MPP3: variants seen among roughly 807,000 people sequenced by gnomAD.
MPP3 encodes the protein MAGUK p55 subfamily member 3.
In MPP3, 48 loss-of-function variants were observed where a neutral mutation model predicts 80.7. That is an observed-to-expected ratio of 0.59 (90% CI 0.47 to 0.76). The LOEUF (loss-of-function observed/expected upper bound fraction) is 0.76. Ranked by LOEUF, MPP3 falls within the 30% of genes least tolerant of loss-of-function variation. The pLI, the probability that MPP3 is intolerant of heterozygous loss-of-function variation, is 0.00. For synonymous variants in MPP3, 311 were observed against 297.6 expected (o/e 1.04, Z -0.46); for missense variants, 620 against 763.0 (o/e 0.81, Z 2.21).
At chr17:43,829,585 C>A in intron 7 of MPP3, 69 bp downstream of exon 7, 2 of 1,573,298 alleles carry the variant, frequency 1.3e-6, no homozygotes, top group Non-Finnish European at 1.7e-6. Flanking sequence ...AGGATCTTGT[C>A]CAGTGTTCTG....
intron 3 of MPP3, 35 bp downstream of exon 3, chr17:43,831,847 G>C: frequency 6.3e-7 from 1 of 1,587,672 alleles, no homozygotes; most frequent in South Asian, 1.1e-5. Context: ...TTGTCTTCAG[G>C]ACTGTGGCAG....
intron 19 of MPP3, among the ~76,000 whole-genome samples, chr17:43,808,431 G>A (rs561220148): frequency 5.9e-5 from 9 of 152,218 alleles, no homozygotes; most frequent in Non-Finnish European, 1.0e-4. Context: ...TCGCCATCCT[G>A]ACATAGACTG....
At chr17:43,808,818 CA>C in intron 19 of MPP3, 137 bp downstream of exon 19, 1 of 1,033,032 alleles carries the variant, frequency 9.7e-7, no homozygotes, top group Non-Finnish European at 1.3e-6. Flanking sequence ...TTTCAATAGG[CA>C]AAATGGAAAG....
intron 19 of MPP3, among the ~76,000 whole-genome samples, chr17:43,807,243 G>A (rs1405421133): frequency 6.6e-6 from 1 of 151,992 alleles, no homozygotes; most frequent in Non-Finnish European, 1.5e-5. Context: ...AAAGTGCTGG[G>A]ATTATAGGCG....
At chr17:43,808,446 G>A (rs1018607435) in intron 19 of MPP3, among the ~76,000 whole-genome samples, 1 of 152,210 alleles carries the variant, frequency 6.6e-6, no homozygotes, top group African/African-American at 2.4e-5. Context: ...AGACTGGGCT[G>A]AACAAAGAAT....
At chr17:43,829,549 C>T (rs1413991121) in intron 7 of MPP3, 105 bp downstream of exon 7, 11 of 1,365,878 alleles carry the variant, frequency 8.1e-6, no homozygotes, top group East Asian at 2.4e-5. Context: ...GCAAAGCTGC[C>T]GTCACTCACT....
chr17:43,810,746 G>A (rs1368865297), intron 18 of MPP3, 61 bp downstream of exon 18: 5 of 1,161,390 alleles, frequency 4.3e-6, no homozygotes, highest in African/African-American at 3.1e-5. Context: ...TGTGTAAAAT[G>A]TACAATCCCC....
At position 43,831,956 on chromosome 17, in the gene MPP3, G is replaced by A. The variant is rs776093542; in HGVS notation, c.-37-13C>T. 4 of 1,559,880 alleles carry A rather than the reference G, an allele frequency of 2.6e-6. No individual in the cohort carries two copies. Among genetic ancestry groups the A allele is most frequent in the South Asian group, 1.1e-5 (1 of 88,706 alleles). On this transcript the variant is annotated splice_polypyrimidine_tract_variant and intron_variant, in intron 2 of 19. Transcript: ENST00000398389. ...CTCCCTGCAGATTCTGGGAGAAGGG[G>A]GTGGAGGTGGGTATTGAAGCTCCAT...
intron 19 of MPP3, among the ~76,000 whole-genome samples, chr17:43,806,665 G>A (rs1269409460): frequency 4.6e-5 from 7 of 151,874 alleles, no homozygotes; most frequent in Admixed American, 2.6e-4. Context: ...GCTATAGTGC[G>A]ATGGCGCAAT....
chr17:43,810,894 A>G lies in MPP3; in HGVS notation c.1371T>C (p.Tyr457=). ...HHNKFLEHGE[Y]KENLYGTSLE... The stretch of plus-strand genomic sequence containing the variant: ...GGCTGGTTCCATACAGATTTTCCTT[A>G]TATTCACCATGTTCCAGGAACCTAA... Residue 457 remains tyrosine (Y), a synonymous_variant, in exon 18 of 20, where the codon TAT becomes TAC. Transcript: ENST00000398389. 6.2e-7 allele frequency: 1 copy of G among 1,606,540 alleles called. No individual in the cohort carries two copies. Among genetic ancestry groups the G allele is most frequent in the Non-Finnish European group, 8.5e-7 (1 of 1,177,982 alleles).
intron 7 of MPP3, 119 bp downstream of exon 7, chr17:43,829,535 G>T: frequency 1.7e-6 from 2 of 1,192,088 alleles, no homozygotes; most frequent in Non-Finnish European, 2.3e-6. Context: ...GAGCAGCAGC[G>T]CAGGCAAAGC....
chr17:43,831,720 G>A (rs2045970336), intron 3 of MPP3, 43 bp from the exon 4 acceptor site: 2 of 1,535,490 alleles, frequency 1.3e-6, no homozygotes, highest in Non-Finnish European at 8.9e-7. Context: ...AACGCAGTGG[G>A]TGCTCCCTGC....
At chr17:43,830,735 ATCT>A (rs1319822979) in intron 5 of MPP3, among the ~76,000 whole-genome samples, 1 of 152,128 alleles carries the variant, frequency 6.6e-6, no homozygotes, top group Admixed American at 6.5e-5. Flanking sequence ...TCAGGAACTG[ATCT>A]TAGTAATCAA....
intron 18 of MPP3, among the ~76,000 whole-genome samples, chr17:43,810,330 G>A (rs1223434154): frequency 6.6e-6 from 1 of 152,078 alleles, no homozygotes; most frequent in Non-Finnish European, 1.5e-5. Context: ...GCACTTCCCA[G>A]GGCCGTGTCT....
Position 43,816,075 on chromosome 17 carries a change from G to A in MPP3, c.972C>T (p.Thr324=). The A allele has an allele frequency of 3.3e-6, 5 of 1,510,020 alleles. No individual in the cohort carries two copies. The highest frequency in any genetic ancestry group is 2.6e-5 in the South Asian group (2 of 77,244). The allele number at this position is 1,510,020 out of a possible 1,614,324, so 93.5% of individuals were successfully genotyped here. ...CTTTGAGGTAGCCCTCACAGTCACA[G>A]GTCTCTGGGAAGCAAACAGAGGGAG... ...PPYDQPCDKE[T]CDCEGYLKGH... Residue 324 remains threonine, a synonymous_variant, in exon 14 of 20, where the codon ACC becomes ACT. Coordinates refer to ENST00000398389, the MANE Select transcript of MPP3 (RefSeq NM_001932.6).
intron 19 of MPP3, among the ~76,000 whole-genome samples, chr17:43,802,349 AAGG>A (rs574884495): frequency 2.4e-4 from 37 of 152,350 alleles, no homozygotes; most frequent in Admixed American, 1.8e-3. Flanking sequence ...CTGGTGGAAG[AAGG>A]AGAAGAAATC....
At chr17:43,815,794 G>C (rs2045091542) in intron 14 of MPP3, 1 of 679,186 alleles carries the variant, frequency 1.5e-6, no homozygotes, top group Non-Finnish European at 2.7e-6. Context: ...ATGTAGGGGT[G>C]TGTGTGCCTT....
At position 43,814,349 on chromosome 17, in the gene MPP3, C is replaced by T; in HGVS notation, c.1022G>A (p.Arg341Lys). 6.2e-7 allele frequency: 1 copy of T among 1,602,406 alleles called. No individual in the cohort carries two copies. ...LKGHYVAGLR[R>K]SFRLGCRERL... ...CTCCCTACAGCCCAGCCGGAAGCTC[C>T]TCCGAAGACCAGCTTGGGAGGAGGG... The change falls in exon 15 of 20, where the codon AGG (arginine) becomes AAG (lysine). Residue 341 changes from arginine to lysine, a missense_variant. By Grantham distance (26) the Arg-to-Lys change is conservative. Coordinates refer to ENST00000398389, the MANE Select transcript of MPP3 (RefSeq NM_001932.6).
At chr17:43,811,025 C>G in intron 17 of MPP3, 87 bp downstream of exon 17, 1 of 1,456,368 alleles carries the variant, frequency 6.9e-7, no homozygotes, top group South Asian at 1.2e-5. Flanking sequence ...CCATCCTTTC[C>G]GGGAGTCCTC....
Sources: allele counts gnomAD v4.1 joint callset (sites outside exome capture counted in the v4.1 genomes callset), GRCh38; gene constraint gnomAD v4.1.1; transcripts MANE v1.5; gene names NCBI Gene and HGNC (gene_info 2026-07-23, HGNC 2026-07-21).